The following STARD9 variants were observed in gnomAD, a reference collection of about 807,000 sequenced individuals.
The protein encoded by STARD9 is StAR related lipid transfer domain containing 9.
In STARD9, 346 loss-of-function variants were observed where a neutral mutation model predicts 399.8. The ratio of observed to expected loss-of-function variants is 0.87; its 90% CI spans 0.79 to 0.95. The LOEUF is 0.95. STARD9 is among the 40% of genes least tolerant of loss of function. STARD9 has a pLI of 0.00. For synonymous variants in STARD9, 2,203 were observed against 2,143.5 expected (o/e 1.03, Z -0.77); for missense variants, 5,832 against 5,667.5 (o/e 1.03, Z -0.93).
chr15:42,687,820 A>G lies in STARD9; in HGVS notation c.6242A>G (p.Asp2081Gly). The change falls in exon 23 of 33, where the codon GAT becomes GGT. Residue 2081 changes from aspartate to glycine, a missense_variant. Asp to Gly is a moderately conservative substitution (Grantham distance 94). This residue lies in a region of STARD9 where 5,828 missense variants were observed against 5,651.1 expected (regional missense o/e 1.03). Transcript: ENST00000290607. ...CATGCTTCCCACACACCAGGAACCG[A>G]TAAGGAGTTGGTGTTCCAGGACCAG... is the stretch of plus-strand genomic sequence containing the variant. ...QVHASHTPGT[D>G]KELVFQDQKE... is the part of the protein sequence containing the mutation. 2.6e-6 allele frequency: 4 copies of G among 1,537,500 alleles called. No homozygotes were observed. Among genetic ancestry groups the G allele is most frequent in the Non-Finnish European group, 3.5e-6 (4 of 1,147,016 alleles).
intron 26 of STARD9, among the ~76,000 whole-genome samples, chr15:42,712,540 C>G (rs1415733348): frequency 6.6e-6 from 1 of 152,058 alleles, no homozygotes; most frequent in Non-Finnish European, 1.5e-5. Context: ...ATATGGATAT[C>G]CAGTTCTCCC....
chr15:42,591,355 G>C (rs1398423287), intron 3 of STARD9, among the ~76,000 whole-genome samples: 2 of 152,156 alleles, frequency 1.3e-5, no homozygotes, highest in Admixed American at 1.3e-4. Flanking sequence ...AGGCATGGTG[G>C]TGCATGCCTG....
At chr15:42,716,204 G>C (rs2061346612) in intron 26 of STARD9, among the ~76,000 whole-genome samples, 1 of 152,120 alleles carries the variant, frequency 6.6e-6, no homozygotes, top group African/African-American at 2.4e-5. Flanking sequence ...AGGACCTTTA[G>C]CTTGGCTGCT....
At chr15:42,699,883 T>C (rs906595237) in intron 26 of STARD9, among the ~76,000 whole-genome samples, 1 of 152,186 alleles carries the variant, frequency 6.6e-6, no homozygotes, top group South Asian at 2.1e-4. Context: ...ATTTTTGTAT[T>C]TTTAGGAGAG....
At chr15:42,660,575 A>G (rs541669491) in intron 9 of STARD9, among the ~76,000 whole-genome samples, 1 of 151,534 alleles carries the variant, frequency 6.6e-6, no homozygotes, top group South Asian at 2.1e-4. Context: ...CAAAAAAAAA[A>G]CAGACAAACA....
At chr15:42,707,468 C>CTTTTTT (rs544507849) in intron 26 of STARD9, among the ~76,000 whole-genome samples, 1 of 134,646 alleles carries the variant, frequency 7.4e-6, no homozygotes, top group Non-Finnish European at 1.6e-5. Context: ...GAGTGAAAAA[C>CTTTTTT]TTTTTTTTTT....
Position 42,692,238 on chromosome 15 carries a change from G to C in STARD9, c.10660G>C (p.Ala3554Pro), listed in dbSNP as rs1401937496. 1 of 1,537,006 alleles carries C rather than the reference G, an allele frequency of 6.5e-7. No homozygotes were observed. Among genetic ancestry groups the C allele is most frequent in the East Asian group, 2.4e-5 (1 of 40,920 alleles). The stretch of plus-strand genomic sequence containing the variant: ...TGAGAATGCCCAGGGTTCAAATGAG[G>C]CCTGGGAAGTATTCCGAGGGAGTTC... Reference protein sequence around the residue: ...STENAQGSNEAWEVFRGSSSI... With the variant: ...STENAQGSNEPWEVFRGSSSI... Residue 3554 changes from alanine to proline, a missense_variant, in exon 23 of 33, where the codon GCC becomes CCC. Physicochemically the swap from Ala to Pro is conservative, Grantham distance 27. This residue lies in a region of STARD9 where 5,828 missense variants were observed against 5,651.1 expected (regional missense o/e 1.03). Coordinates refer to ENST00000290607, the MANE Select transcript of STARD9 (RefSeq NM_020759.3).
chr15:42,716,762 A>C lies in STARD9; in HGVS notation c.13370A>C (p.Tyr4457Ser). Residue 4457 changes from tyrosine (Y) to serine (S), a missense_variant and splice_region_variant, in exon 27 of 33, where the codon TAC (tyrosine) becomes TCC (serine). This residue lies in a region of STARD9 where 5,828 missense variants were observed against 5,651.1 expected (regional missense o/e 1.03). Transcript: ENST00000290607. ...GHSAVRKNSA[Y>S]SHRASLGSCC... is the part of the protein sequence containing the mutation. ...TCTGCAGTGAGGAAGAACTCTGCCTACAGTGAGTTGCGGGGAGTGTTGGGC... is the reference window on the plus strand; with the variant it reads ...TCTGCAGTGAGGAAGAACTCTGCCTCCAGTGAGTTGCGGGGAGTGTTGGGC... 2 of 1,536,156 alleles carry C rather than the reference A, an allele frequency of 1.3e-6. No homozygotes were observed.
chr15:42,586,534 T>C (rs1027468164), intron 3 of STARD9, among the ~76,000 whole-genome samples: 1 of 152,222 alleles, frequency 6.6e-6, no homozygotes, highest in Non-Finnish European at 1.5e-5. Flanking sequence ...GACCCCATCA[T>C]GGCCAGCAAG....
Position 42,694,178 on chromosome 15 carries a change from A to G in STARD9, c.12600A>G (p.Gln4200=). The change falls in exon 23 of 33, where the codon CAA becomes CAG. Residue 4200 remains glutamine (Q), a synonymous_variant. Coordinates refer to ENST00000290607, the MANE Select transcript of STARD9 (RefSeq NM_020759.3). ...EWSKREQIPL[Q]VGAQNLSLSV... ...CCAAGAGGGAGCAGATCCCCCTGCA[A>G]GTTGGGGCCCAGAACCTCTCACTCA... is the stretch of plus-strand genomic sequence containing the variant. 1 of 1,535,506 alleles carries G rather than the reference A, an allele frequency of 6.5e-7. No homozygotes were observed. The highest frequency in any genetic ancestry group is 8.7e-7 in the Non-Finnish European group (1 of 1,146,174).
intron 26 of STARD9, among the ~76,000 whole-genome samples, chr15:42,706,984 T>A (rs1247360311): frequency 6.6e-6 from 1 of 152,230 alleles, no homozygotes. Context: ...ATTCTTTTAA[T>A]GTGTTGGAGT....
chr15:42,633,300 T>C (rs1444229006), intron 3 of STARD9, among the ~76,000 whole-genome samples: 5 of 152,234 alleles, frequency 3.3e-5, no homozygotes, highest in African/African-American at 1.2e-4. Context: ...TTACAAAGTT[T>C]AAGTAACTTG....
chr15:42,626,593 C>T (rs546092794), intron 3 of STARD9, among the ~76,000 whole-genome samples: 4 of 152,042 alleles, frequency 2.6e-5, no homozygotes, highest in East Asian at 1.9e-4. Flanking sequence ...CTCCGCCTCC[C>T]GGGTTCTAAT....
intron 7 of STARD9, among the ~76,000 whole-genome samples, chr15:42,648,464 G>C (rs1043654706): frequency 6.6e-6 from 1 of 152,008 alleles, no homozygotes; most frequent in Non-Finnish European, 1.5e-5. Flanking sequence ...TACCCAGCCT[G>C]CTTTTCTTGT....
Position 42,637,913 on chromosome 15 carries a change from G to T in STARD9, c.358G>T (p.Val120Phe), listed in dbSNP as rs764135772. The T allele has an allele frequency of 1.3e-6, 2 of 1,537,232 alleles. No homozygotes were observed. The highest frequency in any genetic ancestry group is 2.4e-5 in the South Asian group (2 of 84,054). ...TYTMLGTPAS[V>F]GLTPRICEGL... Reference sequence around the variant, plus strand: ...CCTTTCTTCTGTTCACCAGGCCTCTGTTGGGTTGACACCACGGATATGTGA... The same window carrying T: ...CCTTTCTTCTGTTCACCAGGCCTCTTTTGGGTTGACACCACGGATATGTGA... The change falls in exon 5 of 33, where the codon GTT (valine) becomes TTT (phenylalanine). Residue 120 changes from valine (V) to phenylalanine (F), a missense_variant. By Grantham distance (50) the Val-to-Phe change is conservative (BLOSUM62 -1). Coordinates refer to ENST00000290607, the MANE Select transcript of STARD9 (RefSeq NM_020759.3).
chr15:42,643,587 T>A (rs1595695356), intron 7 of STARD9, among the ~76,000 whole-genome samples: 1 of 151,770 alleles, frequency 6.6e-6, no homozygotes, highest in Non-Finnish European at 1.5e-5. Flanking sequence ...GCCTCCCGGG[T>A]TCAAGCGATT....
rs2060553939 is a variant in STARD9 at position 42,686,272 on chromosome 15, G to C, written c.4694G>C (p.Ser1565Thr). ...RRLRAEKEQD[S>T]LNAKLEGVSD... ...TTGAGGGCAGAGAAAGAACAGGACA[G>C]TTTAAATGCCAAATTAGAAGGTGTT... is the stretch of plus-strand genomic sequence containing the variant. Residue 1565 changes from serine (S) to threonine (T), a missense_variant, in exon 23 of 33, where the codon AGT becomes ACT. By Grantham distance (58) the Ser-to-Thr change is moderately conservative. Around this residue, in one of 2 missense-constraint regions of STARD9, gnomAD observed 5,828 missense variants for 5,651.1 expected, o/e 1.03. Coordinates refer to ENST00000290607, the MANE Select transcript of STARD9 (RefSeq NM_020759.3). 1.3e-6 allele frequency: 2 copies of C among 1,537,650 alleles called. No individual in the cohort carries two copies. The highest frequency in any genetic ancestry group is 1.2e-5 in the South Asian group (1 of 84,068).
intron 9 of STARD9, among the ~76,000 whole-genome samples, chr15:42,659,168 A>G (rs1316313405): frequency 6.6e-6 from 1 of 152,158 alleles, no homozygotes; most frequent in Non-Finnish European, 1.5e-5. Flanking sequence ...GATAGGTAGA[A>G]CTTTTTTGCT....
rs1322461546 is a variant in STARD9, at chr15:42,716,717, G to A, written c.13325G>A (p.Gly4442Glu). The change falls in exon 27 of 33, where the codon GGG becomes GAG. Residue 4442 changes from glycine (G) to glutamate (E), a missense_variant. Gly to Glu is a moderately conservative substitution (Grantham distance 98, BLOSUM62 -2). Around this residue, in one of 2 missense-constraint regions of STARD9, gnomAD observed 5,828 missense variants for 5,651.1 expected, o/e 1.03. Transcript: ENST00000290607. Reference sequence around the variant, plus strand: ...CCTGATTCCAGGGATGTATGGATAGGGGATGAGCGAGGAGGCCATTCTGCA... The same window carrying A: ...CCTGATTCCAGGGATGTATGGATAGAGGATGAGCGAGGAGGCCATTCTGCA... ...NLPDSRDVWI[G>E]DERGGHSAVR... 2 of 1,536,954 alleles carry A rather than the reference G, an allele frequency of 1.3e-6. No homozygotes were observed. Among genetic ancestry groups the A allele is most frequent in the Admixed American group, 3.9e-5 (2 of 50,980 alleles).
Sources: gnomAD v4.1 joint callset for allele counts (sites outside exome capture counted in the v4.1 genomes callset) on GRCh38, gnomAD v4.1.1 for gene constraint, gnomAD v4.1.1 regional missense constraint, MANE v1.5 for transcripts, NCBI Gene and HGNC (gene_info 2026-07-23, HGNC 2026-07-21) for gene names.